Variants in TENM4 observed in about 807,000 individuals in gnomAD.
TENM4 encodes teneurin-4.
TENM4 carries 82 observed loss-of-function variants against 243.3 expected under a neutral mutation model. The ratio of observed to expected loss-of-function variants is 0.34; its 90% CI spans 0.28 to 0.40. The LOEUF is 0.40. Among genes scored for constraint, TENM4 ranks in the 10% least tolerant of loss-of-function variants. The pLI is 1.00. For missense variants in TENM4, 3,138 were observed against 3,673.3 expected (o/e 0.85, Z 3.77); for synonymous variants, 1,412 against 1,456.3 (o/e 0.97, Z 0.69).
chr11:79,393,404 C>A (rs770582056), intron 1 of TENM4, among the ~76,000 whole-genome samples: 3 of 152,126 alleles, frequency 2.0e-5, no homozygotes, highest in Admixed American at 6.5e-5. Context: ...ATCCTAGCAC[C>A]TTCACAGGAT....
chr11:79,218,742 TCCCAGAGTA>T (rs1864104738), intron 2 of TENM4, among the ~76,000 whole-genome samples: 1 of 152,222 alleles, frequency 6.6e-6, no homozygotes, highest in Admixed American at 6.5e-5. Flanking sequence ...TCCCTTTTTT[TCCCAGAGTA>T]CCTCCAGTAG....
At chr11:79,124,645 A>ATGTGTGTG (rs35642884) in intron 4 of TENM4, among the ~76,000 whole-genome samples, 1 of 133,786 alleles carries the variant, frequency 7.5e-6, no homozygotes, top group African/African-American at 2.8e-5. Context: ...ATATATATAT[A>ATGTGTGTG]TGTGTGTGTG....
At chr11:78,726,261 A>G (rs544142141) in intron 22 of TENM4, 39 bp from the exon 23 acceptor site, 1 of 1,606,260 alleles carries the variant, frequency 6.2e-7, no homozygotes, top group East Asian at 2.2e-5. Context: ...ATAAGTGAGC[A>G]AAGCCCACTC....
chr11:78,921,588 A>AC (rs1321262991), intron 6 of TENM4, among the ~76,000 whole-genome samples: 1 of 152,212 alleles, frequency 6.6e-6, no homozygotes, highest in African/African-American at 2.4e-5. Context: ...AGCCAAAGCA[A>AC]CCAGGCTCCC....
At chr11:78,877,674 G>T (rs574521444) in intron 9 of TENM4, among the ~76,000 whole-genome samples, 1 of 152,238 alleles carries the variant, frequency 6.6e-6, no homozygotes, top group South Asian at 2.1e-4. Context: ...CAACCCCTAG[G>T]AGAGTGTGTT....
intron 1 of TENM4, among the ~76,000 whole-genome samples, chr11:79,350,406 C>T (rs367754356): frequency 2.0e-5 from 3 of 151,496 alleles, no homozygotes; most frequent in African/African-American, 7.3e-5. Context: ...CTGTCACAGC[C>T]CTCTTTATTT....
intron 6 of TENM4, among the ~76,000 whole-genome samples, chr11:78,917,006 G>T (rs901906632): frequency 6.6e-6 from 1 of 152,102 alleles, no homozygotes; most frequent in Non-Finnish European, 1.5e-5. Flanking sequence ...TACATGCACT[G>T]AGCAATTTAT....
intron 19 of TENM4, among the ~76,000 whole-genome samples, chr11:78,754,882 T>C (rs1474649452): frequency 6.6e-6 from 1 of 152,228 alleles, no homozygotes; most frequent in African/African-American, 2.4e-5. Context: ...GGTGGAGGTT[T>C]GAATTCTGCC....
In TENM4 at chr11:78,787,186, C is replaced by T. The variant is rs566706784; in HGVS notation, c.2180-103G>A. 1.9e-3 allele frequency: 2,505 copies of T among 1,342,170 alleles called. 5 individuals carry two copies. Among genetic ancestry groups the T allele is most frequent in the Non-Finnish European group, 2.2e-3 (2,198 of 1,000,674 alleles). The allele number at this position is 1,342,170 out of a possible 1,614,324, so 83.1% of individuals were successfully genotyped here. A position where few individuals can be genotyped will look rare whatever the true frequency, so the allele number is the denominator to read the frequency against. On this transcript the variant is annotated intron_variant, in intron 15 of 33. Coordinates refer to ENST00000278550, the MANE Select transcript of TENM4 (RefSeq NM_001098816.3). ...AGAGAGAAAAACAACAAGTATTGAG[C>T]AAGTTATTGTTGGAAACCAAAGTCA...
At chr11:78,851,305 T>G (rs1858532882) in intron 12 of TENM4, among the ~76,000 whole-genome samples, 1 of 152,082 alleles carries the variant, frequency 6.6e-6, no homozygotes, top group African/African-American at 2.4e-5. Flanking sequence ...AATACAGGGT[T>G]AAGAGGAAGT....
rs537860928 is a variant in TENM4, at chr11:79,004,122, G to A, written c.493+60616C>T. Among the ~76,000 whole-genome samples the A allele has an allele frequency of 5.3e-5, 8 of 152,274 alleles. No individual in the cohort carries two copies. In the South Asian group the frequency reaches 6.2e-4, roughly 12 times the overall value. ...CTAAATATGTATTCATCCAACACCG[G>A]AGAACTCAGATTCATAAAGCAAGTT... On this transcript the variant is annotated intron_variant, in intron 6 of 33. Transcript: ENST00000278550.
chr11:78,919,773 G>C (rs891858327), intron 6 of TENM4, among the ~76,000 whole-genome samples: 1 of 152,052 alleles, frequency 6.6e-6, no homozygotes, highest in East Asian at 1.9e-4. Flanking sequence ...ACGTGAGTTG[G>C]AGTTGGGTTT....
At chr11:79,422,699 C>G (rs1858960970) in intron 1 of TENM4, among the ~76,000 whole-genome samples, 1 of 152,104 alleles carries the variant, frequency 6.6e-6, no homozygotes, top group Non-Finnish European at 1.5e-5. Context: ...TACAAAACAC[C>G]ACACTCCTCT....
At chr11:79,312,850 T>C (rs12365164) in intron 1 of TENM4, among the ~76,000 whole-genome samples, 30,243 of 152,072 alleles carry the variant, frequency 0.2, 3,276 homozygotes, top group East Asian at 0.35. Context: ...TCCTTTCTCT[T>C]AATGAGATGC....
At chr11:78,677,539 G>C (rs1277771974) in intron 29 of TENM4, among the ~76,000 whole-genome samples, 1 of 151,968 alleles carries the variant, frequency 6.6e-6, no homozygotes, top group Non-Finnish European at 1.5e-5. Context: ...ACAAGTGTGA[G>C]CCACCATACC....
intron 33 of TENM4, 141 bp from the exon 34 acceptor site, chr11:78,658,957 A>G: frequency 1.0e-6 from 1 of 958,532 alleles, no homozygotes; most frequent in Non-Finnish European, 1.5e-6. Flanking sequence ...TGACCACCAG[A>G]ACATCCAGGT....
At chr11:78,782,500 G>A (rs1448229918) in intron 16 of TENM4, among the ~76,000 whole-genome samples, 2 of 152,222 alleles carry the variant, frequency 1.3e-5, no homozygotes, top group African/African-American at 2.4e-5. Context: ...GGGAGGCTGA[G>A]GCAGGAGAAT....
rs563027474 is a variant in TENM4, at chr11:79,101,100, G to A, written c.-65-31091C>T. ...ACCTGGGAAGAGGGGAGGGTATTGGGGGCCATCCCCAGGGTTTCAAAGGTG... is the reference window on the plus strand; with the variant it reads ...ACCTGGGAAGAGGGGAGGGTATTGGAGGCCATCCCCAGGGTTTCAAAGGTG... On this transcript the variant is annotated intron_variant, in intron 4 of 33. Transcript: ENST00000278550. Among the ~76,000 whole-genome samples, 290 of 152,232 alleles carry A rather than the reference G, an allele frequency of 1.9e-3. 3 individuals are homozygous for A. The highest frequency in any genetic ancestry group is 6.8e-3 in the Middle Eastern group (2 of 292).
intron 6 of TENM4, among the ~76,000 whole-genome samples, chr11:79,058,896 T>C (rs889447657): frequency 7.2e-5 from 11 of 152,188 alleles, no homozygotes; most frequent in African/African-American, 2.7e-4. Context: ...TGGTGTCCCA[T>C]TGTACAATGA....
Sources: allele counts gnomAD v4.1 joint callset (sites outside exome capture counted in the v4.1 genomes callset), GRCh38; gene constraint gnomAD v4.1.1; transcripts MANE v1.5; gene names NCBI Gene and HGNC (gene_info 2026-07-23, HGNC 2026-07-21).